The following VTN variants were observed in gnomAD, a reference collection of about 807,000 sequenced individuals.
VTN encodes the protein complement S-protein.
A neutral mutation model predicts 55.9 loss-of-function variants in VTN; 45 were observed. The observed-to-expected ratio is 0.80, with a 90% CI of 0.63 to 1.03. The LOEUF (loss-of-function observed/expected upper bound fraction) is 1.03, where lower values mean the gene tolerates loss of function less well. Among genes scored for constraint, VTN ranks in the 50% least tolerant of loss-of-function variants. The pLI is 0.00. For synonymous variants in VTN, 238 were observed against 242.3 expected, an observed-to-expected ratio of 0.98 and a Z score of 0.17; for missense variants, 589 against 638.2, an observed-to-expected ratio of 0.92 and a Z score of 0.83.
In VTN at chr17:28,370,296, A is replaced by G. The variant is rs1277371931; in HGVS notation, c.-93T>C. 54 of 1,435,802 alleles carry G rather than the reference A, an allele frequency of 3.8e-5. No homozygotes were observed. The highest frequency in any genetic ancestry group is 4.8e-5 in the Non-Finnish European group (50 of 1,051,874). 88.9% of individuals were successfully genotyped at this position (1,435,802 alleles called of 1,614,324 possible). A position where few individuals can be genotyped will look rare whatever the true frequency, so the allele number is the denominator to read the frequency against. Reference sequence around the variant, plus strand: ...CTGAGGAAGGGAGGGAGAGGCAGAGACAGGGAAGGAGGGCACTGGAGAAGA... The same window carrying G: ...CTGAGGAAGGGAGGGAGAGGCAGAGGCAGGGAAGGAGGGCACTGGAGAAGA... On this transcript the variant is annotated 5_prime_UTR_variant, in exon 1 of 8. Transcript: ENST00000226218.
chr17:28,367,443 C>T lies in VTN; in HGVS notation c.1363G>A (p.Asp455Asn). The T allele has an allele frequency of 1.2e-6, 2 of 1,613,536 alleles. No homozygotes were observed. The highest frequency in any genetic ancestry group is 1.7e-6 in the Non-Finnish European group (2 of 1,179,860). The change falls in exon 8 of 8, where the codon GAC (aspartate) becomes AAC (asparagine). Residue 455 changes from aspartate (D) to asparagine (N), a missense_variant. Asp to Asn is a conservative substitution (Grantham distance 23). Around this residue, in one of 3 missense-constraint regions of VTN, gnomAD observed 334 missense variants for 328.2 expected, o/e 1.02. Coordinates refer to ENST00000226218, the MANE Select transcript of VTN (RefSeq NM_000638.4). ...YRVNLRTRRV[D>N]TVDPPYPRSI... Reference sequence around the variant, plus strand: ...CGTGGGTAGGGAGGGTCCACAGTGTCCACTCGCCGTGTGCGAAGATTGACT... The same window carrying T: ...CGTGGGTAGGGAGGGTCCACAGTGTTCACTCGCCGTGTGCGAAGATTGACT...
rs782185453 is a variant in VTN, at chr17:28,369,855, CAG to C, written c.185-6_185-5del. ...GTGAACACATCCCCGCGAGTCACTG[CAG>C]AGAGTGGATGGTAGTGAGTCTCCAG... On this transcript the variant is annotated splice_region_variant and splice_polypyrimidine_tract_variant and intron_variant, in intron 2 of 7. Coordinates refer to ENST00000226218, the MANE Select transcript of VTN (RefSeq NM_000638.4). This position sits in a 1 kb window ranked among gnomAD's most constrained non-coding sequence, Gnocchi z 5.3. 6 of 1,612,416 alleles carry C rather than the reference CAG, an allele frequency of 3.7e-6. No individual in the cohort carries two copies. Among genetic ancestry groups the C allele is most frequent in the Non-Finnish European group, 5.1e-6 (6 of 1,178,674 alleles).
Position 28,367,805 on chromosome 17 carries a change from A to G in VTN, c.1234T>C (p.Leu412=). Residue 412 remains leucine, a synonymous_variant, in exon 7 of 8, where the codon TTG becomes CTG. Coordinates refer to ENST00000226218, the MANE Select transcript of VTN (RefSeq NM_000638.4). ...TAGTCATCATAGTTGTTGGCTCCCA[A>G]GTTGCTCTCCTCACTGGAGAACAAG... ...LSLFSSEESN[L]GANNYDDYRM... is the part of the protein sequence containing the mutation. The G allele has an allele frequency of 6.2e-7, 1 of 1,614,176 alleles. No individual in the cohort carries two copies. Among genetic ancestry groups the G allele is most frequent in the Non-Finnish European group, 8.5e-7 (1 of 1,180,042 alleles).
Position 28,369,840 on chromosome 17 carries a change from C to T in VTN, c.196G>A (p.Asp66Asn), listed in dbSNP as rs782257958. 3 of 1,612,480 alleles carry T rather than the reference C, an allele frequency of 1.9e-6. No individual in the cohort carries two copies. The highest frequency in any genetic ancestry group is 1.7e-6 in the Non-Finnish European group (2 of 1,178,708). The change falls in exon 3 of 8, where the codon GAT becomes AAT. Residue 66 changes from aspartate to asparagine, a missense_variant. Asp to Asn is a conservative substitution (Grantham distance 23). Around this residue, in one of 3 missense-constraint regions of VTN, gnomAD observed 217 missense variants for 241.3 expected, o/e 0.90. Coordinates refer to ENST00000226218, the MANE Select transcript of VTN (RefSeq NM_000638.4). This position sits in a 1 kb window ranked among gnomAD's most constrained non-coding sequence, Gnocchi z 5.3. ...TCATCCTCCGGCATAGTGAACACATCCCCGCGAGTCACTGCAGAGAGTGGA... is the reference window on the plus strand; with the variant it reads ...TCATCCTCCGGCATAGTGAACACATTCCCGCGAGTCACTGCAGAGAGTGGA... ...AECKPQVTRG[D>N]VFTMPEDEYT...
rs1411477549 is a variant in VTN at position 28,367,917 on chromosome 17, G to A, written c.1122C>T (p.Arg374=). ...SLAKKQRFRH[R]NRKGYRSQRG... ...GTTGTGAACGGTAGCCTTTGCGGTT[G>A]CGATGCCTAAACCTTTGTTTCTTGG... is the stretch of plus-strand genomic sequence containing the variant. The change falls in exon 7 of 8, where the codon CGC becomes CGT. Residue 374 remains arginine (R), a synonymous_variant. Transcript: ENST00000226218. 6.2e-7 allele frequency: 1 copy of A among 1,611,348 alleles called. No individual in the cohort carries two copies. The highest frequency in any genetic ancestry group is 8.5e-7 in the Non-Finnish European group (1 of 1,178,690).
rs782405279 is a variant in VTN at position 28,368,939 on chromosome 17, G to C, written c.759C>G (p.Asn253Lys). 2 of 1,604,806 alleles carry C rather than the reference G, an allele frequency of 1.2e-6. No homozygotes were observed. Among genetic ancestry groups the C allele is most frequent in the South Asian group, 2.2e-5 (2 of 89,696 alleles). The change falls in exon 5 of 8, where the codon AAC becomes AAG. Residue 253 changes from asparagine to lysine, a missense_variant. Transcript: ENST00000226218. Reference sequence around the variant, plus strand: ...CAGGGAGGGCCAAGGCTGCATCCACGTTGTCCGGGATGCCATCGAAGCCGT... The same window carrying C: ...CAGGGAGGGCCAAGGCTGCATCCACCTTGTCCGGGATGCCATCGAAGCCGT... ...ISDGFDGIPD[N>K]VDAALALPAH... is the part of the protein sequence containing the mutation.
Position 28,368,021 on chromosome 17 carries a change from G to T in VTN, c.1018C>A (p.His340Asn). Residue 340 changes from histidine (H) to asparagine (N), a missense_variant, in exon 7 of 8, where the codon CAC becomes AAC. Physicochemically the swap from His to Asn is moderately conservative, Grantham distance 68. Transcript: ENST00000226218. ...RQPQFISRDWHGVPGQVDAAM... is the reference protein window; with the variant it reads ...RQPQFISRDWNGVPGQVDAAM... ...GCGTCCACTTGCCCTGGCACACCGT[G>T]CCAGTCCCGGCTAATGAACTGGGGC... The T allele has an allele frequency of 6.3e-7, 1 of 1,589,084 alleles. No homozygotes were observed. Among genetic ancestry groups the T allele is most frequent in the Non-Finnish European group, 8.6e-7 (1 of 1,167,460 alleles).
chr17:28,368,545 G>A lies in VTN; in HGVS notation c.955C>T (p.Leu319Phe). The A allele has an allele frequency of 6.2e-7, 1 of 1,614,046 alleles. No homozygotes were observed. Among genetic ancestry groups the A allele is most frequent in the Non-Finnish European group, 8.5e-7 (1 of 1,180,034 alleles). ...CCAGAGGTTCTGCCCCAGAAGAGAA[G>A]CTCGAAGATGTCCTCCCAGCTGTCC... The part of the protein sequence containing the change: ...QRDSWEDIFE[L>F]LFWGRTSAGT... Residue 319 changes from leucine to phenylalanine, a missense_variant, in exon 6 of 8, where the codon CTT becomes TTT. Physicochemically the swap from Leu to Phe is conservative, Grantham distance 22. Transcript: ENST00000226218.
rs879958358 is a variant in VTN, at chr17:28,369,197, G to A, written c.669+92C>T. 43 of 1,514,340 alleles carry A rather than the reference G, an allele frequency of 2.8e-5. No individual in the cohort carries two copies. In the South Asian group the frequency reaches 5.5e-4, roughly 19 times the overall value. The allele number at this position is 1,514,340 out of a possible 1,614,324, so 93.8% of individuals were successfully genotyped here. On this transcript the variant is annotated intron_variant, in intron 4 of 7. Coordinates refer to ENST00000226218, the MANE Select transcript of VTN (RefSeq NM_000638.4). The surrounding 1 kb of genome is among the most constrained non-coding windows in gnomAD (Gnocchi z 5.3). ...CTCCCACCAGGTCCTGCAGGGCCCT[G>A]GGTCCAGCTTCCCTGTCCACCCTGT...
At position 28,368,629 on chromosome 17, in the gene VTN, C is replaced by T. The variant is rs575658143; in HGVS notation, c.871G>A (p.Glu291Lys). 6.2e-7 allele frequency: 1 copy of T among 1,613,962 alleles called. No individual in the cohort carries two copies. The highest frequency in any genetic ancestry group is 1.7e-5 in the Admixed American group (1 of 60,020). Residue 291 changes from glutamate to lysine, a missense_variant, in exon 6 of 8, where the codon GAG becomes AAG. Transcript: ENST00000226218. Reference protein sequence around the residue: ...EYQFQHQPSQEECEGSSLSAV... With the variant: ...EYQFQHQPSQKECEGSSLSAV... ...GACAGGGAGCTGCCTTCACACTCCTCCTGACTGGGCTGGTGCTGGAACTGG... is the reference window on the plus strand; with the variant it reads ...GACAGGGAGCTGCCTTCACACTCCTTCTGACTGGGCTGGTGCTGGAACTGG...
chr17:28,368,645 C>T lies in VTN; in HGVS notation c.855G>A (p.Gln285=), dbSNP rs201900740. 8.7e-5 allele frequency: 141 copies of T among 1,613,760 alleles called. No individual in the cohort carries two copies. Among genetic ancestry groups the T allele is most frequent in the Non-Finnish European group, 1.1e-5 (13 of 1,180,030 alleles). ...CACACTCCTCCTGACTGGGCTGGTGCTGGAACTGGTACTCCCAGTACTGTT... is the reference window on the plus strand; with the variant it reads ...CACACTCCTCCTGACTGGGCTGGTGTTGGAACTGGTACTCCCAGTACTGTT... ...KGKQYWEYQF[Q]HQPSQEECEG... is the part of the protein sequence containing the mutation. The change falls in exon 6 of 8, where the codon CAG becomes CAA. Residue 285 remains glutamine (Q), a synonymous_variant. Transcript: ENST00000226218.
Position 28,367,724 on chromosome 17 carries a change from A to G in VTN, c.1315T>C (p.Phe439Leu), listed in dbSNP as rs2067916200. Residue 439 changes from phenylalanine (F) to leucine (L), a missense_variant, in exon 7 of 8, where the codon TTC becomes CTC. Coordinates refer to ENST00000226218, the MANE Select transcript of VTN (RefSeq NM_000638.4). ...TGGCAGCGGCTCCTACCTCCAGAGAAGAAGAAGACACTCTGGATGGGTTCA... is the reference window on the plus strand; with the variant it reads ...TGGCAGCGGCTCCTACCTCCAGAGAGGAAGAAGACACTCTGGATGGGTTCA... Reference protein sequence around the residue: ...TCEPIQSVFFFSGDKYYRVNL... With the variant: ...TCEPIQSVFFLSGDKYYRVNL... 1.3e-5 allele frequency: 21 copies of G among 1,608,318 alleles called. No individual in the cohort carries two copies. Among genetic ancestry groups the G allele is most frequent in the Non-Finnish European group, 1.8e-5 (21 of 1,175,962 alleles).
rs371646010 is a variant in VTN at position 28,369,066 on chromosome 17, G to T, written c.670-38C>A. On this transcript the variant is annotated intron_variant, in intron 4 of 7. Coordinates refer to ENST00000226218, the MANE Select transcript of VTN (RefSeq NM_000638.4). The surrounding 1 kb of genome is among the most constrained non-coding windows in gnomAD (Gnocchi z 5.3). ...GAAAGTGAAAAGGGGTATGGAGGCC[G>T]CTGGCTGGGCACAGAGGCAGAGTCC... 1.9e-6 allele frequency: 3 copies of T among 1,548,414 alleles called. No homozygotes were observed. The highest frequency in any genetic ancestry group is 1.7e-6 in the Non-Finnish European group (2 of 1,152,736).
Position 28,368,603 on chromosome 17 carries a change from C to G in VTN, c.897G>C (p.Ser299=). 6.2e-7 allele frequency: 1 copy of G among 1,613,992 alleles called. No homozygotes were observed. The highest frequency in any genetic ancestry group is 1.1e-5 in the South Asian group (1 of 91,062). The part of the protein sequence containing the change: ...SQEECEGSSL[S]AVFEHFAMMQ... ...TCATGGCAAAGTGTTCAAACACAGC[C>G]GACAGGGAGCTGCCTTCACACTCCT... is the stretch of plus-strand genomic sequence containing the variant. Residue 299 remains serine (S), a synonymous_variant, in exon 6 of 8, where the codon TCG becomes TCC. Coordinates refer to ENST00000226218, the MANE Select transcript of VTN (RefSeq NM_000638.4).
In VTN at chr17:28,367,361, T is replaced by C; in HGVS notation, c.*8A>G. ...CTACAGAGGGCCCGGCCATGTGGGC[T>C]CTGACTCCTACAGATGGCCAGGAGC... On this transcript the variant is annotated 3_prime_UTR_variant, in exon 8 of 8. Transcript: ENST00000226218. The C allele has an allele frequency of 6.4e-7, 1 of 1,574,026 alleles. No homozygotes were observed.
In VTN at chr17:28,368,964, T is replaced by A; in HGVS notation, c.734A>T (p.Asp245Val). The change falls in exon 5 of 8, where the codon GAC (aspartate) becomes GTC (valine). Residue 245 changes from aspartate (D) to valine (V), a missense_variant. By Grantham distance (152) the Asp-to-Val change is radical. Transcript: ENST00000226218. The part of the protein sequence containing the change: ...LDPDYPRNIS[D>V]GFDGIPDNVD... ...GTTGTCCGGGATGCCATCGAAGCCG[T>A]CAGAGATATTTCGGGGGTAATCAGG... 1 of 1,604,158 alleles carries A rather than the reference T, an allele frequency of 6.2e-7. No homozygotes were observed. Among genetic ancestry groups the A allele is most frequent in the Non-Finnish European group, 8.5e-7 (1 of 1,177,398 alleles).
In VTN at chr17:28,368,068, G is replaced by C. The variant is rs1555583330; in HGVS notation, c.980-9C>G. ...GGGCTGTCTGGTACCAGCTGTGGCA[G>C]GGAAGGGGTGAATGAGAGGTCTTGG... On this transcript the variant is annotated splice_polypyrimidine_tract_variant and intron_variant, in intron 6 of 7. Coordinates refer to ENST00000226218, the MANE Select transcript of VTN (RefSeq NM_000638.4). 2 of 1,563,102 alleles carry C rather than the reference G, an allele frequency of 1.3e-6. No homozygotes were observed. The highest frequency in any genetic ancestry group is 2.7e-5 in the African/African-American group (2 of 73,770).
rs2067938767 is a variant in VTN at position 28,369,955 on chromosome 17, T to C, written c.156A>G (p.Thr52=). The change falls in exon 2 of 8, where the codon ACA becomes ACG. Residue 52 remains threonine, a synonymous_variant. Transcript: ENST00000226218. This position sits in a 1 kb window ranked among gnomAD's most constrained non-coding sequence, Gnocchi z 5.3. ...GGGGCTTGCACTCAGCCGTATAGTC[T>C]GTGCAGCAGCTCTGGTAGTAAGAGC... ...ELCSYYQSCC[T]DYTAECKPQV... The C allele has an allele frequency of 6.2e-7, 1 of 1,613,996 alleles. No homozygotes were observed. The highest frequency in any genetic ancestry group is 1.1e-5 in the South Asian group (1 of 91,094).
At chr17:28,367,583 C>T in intron 7 of VTN, 102 bp from the exon 8 acceptor site, 1 of 1,399,408 alleles carries the variant, frequency 7.1e-7, no homozygotes, top group Non-Finnish European at 1.0e-6. Context: ...AGTGAACATC[C>T]ATGATGCAGC....
Sources: gnomAD v4.1 joint callset for allele counts on GRCh38, gnomAD v4.1.1 for gene constraint, gnomAD v4.1.1 regional missense constraint, Gnocchi (gnomAD v3.1) non-coding constraint, MANE v1.5 for transcripts, NCBI Gene and HGNC (gene_info 2026-07-23, HGNC 2026-07-21) for gene names.